The following APBB2 variants were observed in gnomAD, a reference collection of about 807,000 sequenced individuals.
APBB2 encodes amyloid beta precursor protein binding family B member 2.
APBB2 carries 38 observed loss-of-function variants against 82.5 expected under a neutral mutation model. That is an observed-to-expected ratio of 0.46 (90% CI 0.36 to 0.60). The LOEUF (loss-of-function observed/expected upper bound fraction) is 0.60. Ranked by LOEUF, APBB2 falls within the 20% of genes least tolerant of loss-of-function variation. The pLI, the probability that APBB2 is intolerant of heterozygous loss-of-function variation, is 0.00. For missense variants in APBB2, 772 were observed against 972.3 expected (o/e 0.79, Z 2.74); for synonymous variants, 341 against 368.2 (o/e 0.93, Z 0.85).
chr4:40,869,421 A>ATGAT (rs1404562280), intron 12 of APBB2, among the ~76,000 whole-genome samples: 1 of 151,106 alleles, frequency 6.6e-6, no homozygotes. Flanking sequence ...CCCCATCAAT[A>ATGAT]TGATTTTTTT....
intron 12 of APBB2, among the ~76,000 whole-genome samples, chr4:40,874,754 T>C (rs1173303299): frequency 6.6e-6 from 1 of 152,218 alleles, no homozygotes; most frequent in Non-Finnish European, 1.5e-5. Context: ...TTTTAGGGGC[T>C]TTCTCTGAGA....
intron 12 of APBB2, among the ~76,000 whole-genome samples, chr4:40,852,327 G>A (rs571590325): frequency 6.7e-6 from 1 of 148,754 alleles, no homozygotes; most frequent in Admixed American, 6.7e-5. Flanking sequence ...CTCCAGCCTG[G>A]GTGACAGAGC....
At chr4:41,020,702 G>T (rs540429478) in intron 5 of APBB2, among the ~76,000 whole-genome samples, 1 of 152,336 alleles carries the variant, frequency 6.6e-6, no homozygotes, top group Admixed American at 6.5e-5. Context: ...AAAGTTAACA[G>T]TGTAACATGT....
chr4:41,086,137 T>C (rs537267932), intron 3 of APBB2, among the ~76,000 whole-genome samples: 11 of 152,196 alleles, frequency 7.2e-5, no homozygotes, highest in African/African-American at 2.4e-4. Flanking sequence ...AATGAAAAAC[T>C]TGAACACAGA....
At chr4:40,889,940 C>A (rs887329988) in intron 12 of APBB2, among the ~76,000 whole-genome samples, 9 of 152,126 alleles carry the variant, frequency 5.9e-5, no homozygotes, top group African/African-American at 1.2e-4. Context: ...TGTACAACGT[C>A]CCCCTCAAGT....
intron 6 of APBB2, among the ~76,000 whole-genome samples, chr4:40,990,655 C>A (rs773737543): frequency 1.6e-4 from 24 of 152,190 alleles, no homozygotes; most frequent in Non-Finnish European, 2.5e-4. Context: ...CCCAACGTAA[C>A]CCAGACCAAA....
At position 40,811,020 on chromosome 4, in the gene APBB2, T is replaced by C. The variant is rs1003934724; in HGVS notation, c.*5072A>G. 2.0e-5 allele frequency: 3 copies of C among 152,186 alleles called. No individual in the cohort carries two copies. Among genetic ancestry groups the C allele is most frequent in the African/African-American group, 4.8e-5 (2 of 41,450 alleles). 9.4% of individuals were successfully genotyped at this position (152,186 alleles called of 1,614,324 possible). ...GTGTATTTTCTGTGATGTTGTCTCATTGTTATGGAATAGTTTAGGATAATT... is the reference window on the plus strand; with the variant it reads ...GTGTATTTTCTGTGATGTTGTCTCACTGTTATGGAATAGTTTAGGATAATT... On this transcript the variant is annotated 3_prime_UTR_variant, in exon 18 of 18. Coordinates refer to ENST00000508593, the MANE Select transcript of APBB2 (RefSeq NM_004307.2).
chr4:41,035,972 A>C (rs546895372), intron 4 of APBB2, among the ~76,000 whole-genome samples: 1 of 152,206 alleles, frequency 6.6e-6, no homozygotes, highest in South Asian at 2.1e-4. Flanking sequence ...CAGCCTGGGC[A>C]ACACAGCGAG....
At chr4:41,002,731 A>G (rs751501208) in intron 6 of APBB2, among the ~76,000 whole-genome samples, 1 of 152,242 alleles carries the variant, frequency 6.6e-6, no homozygotes, top group Non-Finnish European at 1.5e-5. Context: ...AAGCACTGGC[A>G]TCTAATTAAG....
At chr4:40,967,970 T>A in intron 6 of APBB2, among the ~76,000 whole-genome samples, 1 of 152,124 alleles carries the variant, frequency 6.6e-6, no homozygotes, top group East Asian at 1.9e-4. Flanking sequence ...GTCCGATAAT[T>A]TACATTCTTG....
chr4:41,178,611 T>C (rs966888854), intron 1 of APBB2, among the ~76,000 whole-genome samples: 1 of 152,230 alleles, frequency 6.6e-6, no homozygotes, highest in African/African-American at 2.4e-5. Flanking sequence ...CCTCATCTTC[T>C]ATCAAGGCTC....
At chr4:40,991,075 C>T (rs1801924010) in intron 6 of APBB2, among the ~76,000 whole-genome samples, 1 of 142,524 alleles carries the variant, frequency 7.0e-6, no homozygotes, top group Non-Finnish European at 1.5e-5. Flanking sequence ...GTGGTGCAAT[C>T]TTGGCTCACT....
chr4:41,074,638 C>G (rs1284881291), intron 3 of APBB2, among the ~76,000 whole-genome samples: 1 of 140,614 alleles, frequency 7.1e-6, no homozygotes, highest in Non-Finnish European at 1.5e-5. Flanking sequence ...GAGATGGAGT[C>G]TTGCTCTGTC....
intron 6 of APBB2, among the ~76,000 whole-genome samples, chr4:40,996,157 A>G (rs1242028150): frequency 6.6e-6 from 1 of 152,212 alleles, no homozygotes; most frequent in Non-Finnish European, 1.5e-5. Flanking sequence ...ACTAGAAATG[A>G]GAGAAATGGG....
chr4:41,141,769 CAG>C (rs1276776641), intron 2 of APBB2, among the ~76,000 whole-genome samples: 3 of 152,226 alleles, frequency 2.0e-5, no homozygotes, highest in Non-Finnish European at 4.4e-5. Context: ...CAAAAAAAGA[CAG>C]AGCTTGCGCA....
At chr4:41,042,468 A>C (rs1721901209) in intron 4 of APBB2, among the ~76,000 whole-genome samples, 1 of 152,206 alleles carries the variant, frequency 6.6e-6, no homozygotes, top group Non-Finnish European at 1.5e-5. Flanking sequence ...GTAACCTTGC[A>C]ATCCCTTTCC....
intron 1 of APBB2, among the ~76,000 whole-genome samples, chr4:41,183,490 C>T (rs1034202637): frequency 6.6e-6 from 1 of 152,070 alleles, no homozygotes; most frequent in African/African-American, 2.4e-5. Context: ...TTTAGGTGGG[C>T]CCCAATTCCA....
intron 7 of APBB2, among the ~76,000 whole-genome samples, chr4:40,936,723 T>A (rs1785459571): frequency 1.3e-5 from 2 of 152,220 alleles, no homozygotes; most frequent in African/African-American, 4.8e-5. Flanking sequence ...TATTTACTTT[T>A]AAAAAATAAT....
chr4:41,209,172 A>C (rs1306023629), intron 1 of APBB2, among the ~76,000 whole-genome samples: 2 of 152,132 alleles, frequency 1.3e-5, no homozygotes, highest in Non-Finnish European at 2.9e-5. Flanking sequence ...GAGGAACTAG[A>C]GTCACTCTCC....
Sources: gnomAD v4.1 joint callset for allele counts (sites outside exome capture counted in the v4.1 genomes callset) on GRCh38, gnomAD v4.1.1 for gene constraint, MANE v1.5 for transcripts, NCBI Gene and HGNC (gene_info 2026-07-23, HGNC 2026-07-21) for gene names.